SUPT16H: variants seen among roughly 807,000 people sequenced by gnomAD.
SUPT16H encodes the protein FACT complex subunit SPT16.
SUPT16H carries 24 observed loss-of-function variants against 136.2 expected under a neutral mutation model. The ratio of observed to expected loss-of-function variants is 0.18; its 90% CI spans 0.13 to 0.25. SUPT16H has a LOEUF of 0.25. Ranked by LOEUF, SUPT16H falls within the 10% of genes least tolerant of loss-of-function variation. The probability of loss-of-function intolerance (pLI) is 1.00; values close to 1 mark genes in which losing one functional copy is unlikely to be tolerated. For synonymous variants in SUPT16H, 415 were observed against 428.2 expected, an observed-to-expected ratio of 0.97 and a Z score of 0.38; for missense variants, 623 against 1,270.2, an observed-to-expected ratio of 0.49 and a Z score of 7.74.
Position 21,373,384 on chromosome 14 carries a change from A to G in SUPT16H, c.113T>C (p.Val38Ala). Reference protein sequence around the residue: ...YANVDAIVVSVGVDEEIVYAK... With the variant: ...YANVDAIVVSAGVDEEIVYAK... ...ATAAACAATTTCTTCATCAACACCC[A>G]CTGATACAACAATGGCATCAACGTT... Residue 38 changes from valine to alanine, a missense_variant, in exon 2 of 26, where the codon GTG (valine) becomes GCG (alanine). Val to Ala is a moderately conservative substitution (Grantham distance 64). Around this residue, in one of 7 missense-constraint regions of SUPT16H, gnomAD observed 343 missense variants for 525.7 expected, o/e 0.65. Coordinates refer to ENST00000216297, the MANE Select transcript of SUPT16H (RefSeq NM_007192.4). 6.2e-7 allele frequency: 1 copy of G among 1,614,166 alleles called. No individual in the cohort carries two copies. Among genetic ancestry groups the G allele is most frequent in the Non-Finnish European group, 8.5e-7 (1 of 1,180,004 alleles).
chr14:21,377,747 C>T (rs980159697), intron 1 of SUPT16H, among the ~76,000 whole-genome samples: 2 of 152,140 alleles, frequency 1.3e-5, no homozygotes, highest in Non-Finnish European at 2.9e-5. Flanking sequence ...CCTCAGCCTC[C>T]TAAGTAGCTG....
At chr14:21,379,305 A>G (rs937598621) in intron 1 of SUPT16H, among the ~76,000 whole-genome samples, 2 of 151,962 alleles carry the variant, frequency 1.3e-5, no homozygotes, top group African/African-American at 4.8e-5. Context: ...GCATGGTGGC[A>G]CACACCTGTA....
At chr14:21,365,482 G>C (rs1182185977) in intron 8 of SUPT16H, among the ~76,000 whole-genome samples, 1 of 152,114 alleles carries the variant, frequency 6.6e-6, no homozygotes, top group Non-Finnish European at 1.5e-5. Flanking sequence ...ACATTACTAA[G>C]ACAGTAATTA....
intron 22 of SUPT16H, among the ~76,000 whole-genome samples, chr14:21,356,237 G>A (rs370791746): frequency 3.4e-5 from 5 of 147,458 alleles, no homozygotes; most frequent in Non-Finnish European, 6.0e-5. Context: ...GTGGAGGGAT[G>A]ATCTACACAT....
At position 21,378,221 on chromosome 14, in the gene SUPT16H, T is replaced by C. The variant is rs139823980; in HGVS notation, c.67-4791A>G. On this transcript the variant is annotated intron_variant, in intron 1 of 25. Transcript: ENST00000216297. ...TCTTAAGAAACAGAAGAAAATTCTATGAGTGTGAGAAATTTAGAATAAAAG... is the reference window on the plus strand; with the variant it reads ...TCTTAAGAAACAGAAGAAAATTCTACGAGTGTGAGAAATTTAGAATAAAAG... Among the ~76,000 whole-genome samples the C allele has an allele frequency of 3.2e-3, 490 of 152,160 alleles. 2 individuals are homozygous for C. Among genetic ancestry groups the C allele is most frequent in the Non-Finnish European group, 5.2e-3 (356 of 68,008 alleles).
chr14:21,372,547 C>G (rs1323993240), intron 2 of SUPT16H: 3 of 340,498 alleles, frequency 8.8e-6, no homozygotes, highest in South Asian at 2.3e-5. Flanking sequence ...GAGCTTCAAG[C>G]AAGTCTTCTT....
intron 1 of SUPT16H, among the ~76,000 whole-genome samples, chr14:21,376,520 T>C (rs1218284217): frequency 6.6e-6 from 1 of 152,226 alleles, no homozygotes; most frequent in African/African-American, 2.4e-5. Flanking sequence ...AAGAAGTCAC[T>C]ACATAGAAAT....
intron 18 of SUPT16H, 44 bp downstream of exon 18, chr14:21,360,369 AGT>A: frequency 2.9e-6 from 4 of 1,372,598 alleles, no homozygotes; most frequent in Non-Finnish European, 3.1e-6. Flanking sequence ...AGTGAAATGA[AGT>A]GTCTTGCCCA....
chr14:21,373,373 C>T lies in SUPT16H; in HGVS notation c.124G>A (p.Glu42Lys). 6.2e-7 allele frequency: 1 copy of T among 1,614,150 alleles called. No individual in the cohort carries two copies. The highest frequency in any genetic ancestry group is 8.5e-7 in the Non-Finnish European group (1 of 1,179,980). Residue 42 changes from glutamate to lysine, a missense_variant, in exon 2 of 26, where the codon GAA (glutamate) becomes AAA (lysine). Coordinates refer to ENST00000216297, the MANE Select transcript of SUPT16H (RefSeq NM_007192.4). ...GTTGATTTGGCATAAACAATTTCTT[C>T]ATCAACACCCACTGATACAACAATG... is the stretch of plus-strand genomic sequence containing the variant. ...DAIVVSVGVDEEIVYAKSTAL... is the reference protein window; with the variant it reads ...DAIVVSVGVDKEIVYAKSTAL...
intron 1 of SUPT16H, among the ~76,000 whole-genome samples, chr14:21,375,459 A>G (rs1886880492): frequency 6.6e-6 from 1 of 151,268 alleles, no homozygotes; most frequent in African/African-American, 2.4e-5. Flanking sequence ...TTTATTATTG[A>G]GCTGTAAGAG....
chr14:21,381,418 C>T (rs893275315), intron 1 of SUPT16H, among the ~76,000 whole-genome samples: 1 of 152,106 alleles, frequency 6.6e-6, no homozygotes, highest in Non-Finnish European at 1.5e-5. Flanking sequence ...TATCAGTTCT[C>T]TACAACCCTG....
chr14:21,377,293 C>T (rs1019700462), intron 1 of SUPT16H, among the ~76,000 whole-genome samples: 8 of 152,068 alleles, frequency 5.3e-5, no homozygotes, highest in Non-Finnish European at 1.2e-4. Flanking sequence ...TGTGCAATTT[C>T]AAAACAGAAG....
At position 21,370,006 on chromosome 14, in the gene SUPT16H, T is replaced by C. The variant is rs1401698709; in HGVS notation, c.484-110A>G. ...GATATTTCTGTTATTTAGCAAACTATCACTGGTTTGCAGAATATTCAAACA... is the reference window on the plus strand; with the variant it reads ...GATATTTCTGTTATTTAGCAAACTACCACTGGTTTGCAGAATATTCAAACA... On this transcript the variant is annotated intron_variant, in intron 4 of 25. Coordinates refer to ENST00000216297, the MANE Select transcript of SUPT16H (RefSeq NM_007192.4). 13 of 1,258,204 alleles carry C rather than the reference T, an allele frequency of 1.0e-5. 1 individual carries two copies. The highest frequency in any genetic ancestry group is 1.3e-5 in the Non-Finnish European group (12 of 902,298). 77.9% of individuals were successfully genotyped at this position (1,258,204 alleles called of 1,614,324 possible).
In SUPT16H at chr14:21,362,187, G is replaced by A; in HGVS notation, c.1793+10C>T. On this transcript the variant is annotated intron_variant, in intron 15 of 25. Transcript: ENST00000216297. ...GATGAATCTGGGTATGACTTTTCTT[G>A]GGGACTCACATTTCCTTGACAAAAG... 1 of 1,610,092 alleles carries A rather than the reference G, an allele frequency of 6.2e-7. No homozygotes were observed.
At chr14:21,360,344 A>G in intron 18 of SUPT16H, 71 bp downstream of exon 18, 1 of 1,231,578 alleles carries the variant, frequency 8.1e-7, no homozygotes, top group Non-Finnish European at 1.2e-6. Context: ...TCACTATTTT[A>G]TAGGAAAGAA....
At chr14:21,369,108 A>G in intron 6 of SUPT16H, 96 bp downstream of exon 6, 1 of 1,437,340 alleles carries the variant, frequency 7.0e-7, no homozygotes, top group Non-Finnish European at 9.4e-7. Context: ...ACTTGTAGCC[A>G]AATTTCAGTG....
Position 21,353,686 on chromosome 14 carries a change from T to G in SUPT16H, c.2920+17A>C, listed in dbSNP as rs1277289272. On this transcript the variant is annotated intron_variant, in intron 24 of 25. Coordinates refer to ENST00000216297, the MANE Select transcript of SUPT16H (RefSeq NM_007192.4). ...TAGATTAGGAAGCCAGGACGAACTT[T>G]GCTCTGTAAGACTAACCTGACTCTT... 6.2e-7 allele frequency: 1 copy of G among 1,608,924 alleles called. No homozygotes were observed. The highest frequency in any genetic ancestry group is 8.5e-7 in the Non-Finnish European group (1 of 1,178,086).
rs1370205092 is a variant in SUPT16H, at chr14:21,357,975, G to A, written c.2442C>T (p.Thr814=). The A allele has an allele frequency of 1.2e-6, 2 of 1,613,850 alleles. No individual in the cohort carries two copies. Among genetic ancestry groups the A allele is most frequent in the Non-Finnish European group, 1.7e-6 (2 of 1,179,890 alleles). Residue 814 remains threonine, a synonymous_variant, in exon 21 of 26, where the codon ACC becomes ACT. Coordinates refer to ENST00000216297, the MANE Select transcript of SUPT16H (RefSeq NM_007192.4). The stretch of plus-strand genomic sequence containing the variant: ...CACTACTAGTGGGCTGAAGGAGGCA[G>A]GTACTCCTATAGGGAGCTCCGTTAA... ...LGFNGAPYRS[T]CLLQPTSSAL...
At chr14:21,353,617 G>C (rs775753830) in intron 24 of SUPT16H, 52 bp from the exon 25 acceptor site, 1 of 1,606,026 alleles carries the variant, frequency 6.2e-7, no homozygotes. Context: ...AGAATGGAAC[G>C]ACAGAGTTCT....
Sources: allele counts gnomAD v4.1 joint callset (sites outside exome capture counted in the v4.1 genomes callset), GRCh38; gene constraint gnomAD v4.1.1; regional missense constraint gnomAD v4.1.1; transcripts MANE v1.5; gene names NCBI Gene and HGNC (gene_info 2026-07-23, HGNC 2026-07-21).